WDR7: variants seen among roughly 807,000 people sequenced by gnomAD.
WDR7 encodes the protein WD repeat domain 7, also known as WD repeat-containing protein 7.
A neutral mutation model predicts 169.4 loss-of-function variants in WDR7; 46 were observed. The ratio of observed to expected loss-of-function variants is 0.27; its 90% CI spans 0.21 to 0.35. The LOEUF (loss-of-function observed/expected upper bound fraction) is 0.35. Ranked by LOEUF, WDR7 falls within the 10% of genes least tolerant of loss-of-function variation. WDR7 has a pLI of 1.00. For synonymous variants in WDR7, 612 were observed against 666.8 expected, an observed-to-expected ratio of 0.92 and a Z score of 1.27; for missense variants, 1,534 against 1,859.3, an observed-to-expected ratio of 0.83 and a Z score of 3.22.
chr18:57,017,634 G>A (rs1452367655), intron 26 of WDR7, among the ~76,000 whole-genome samples: 2 of 152,140 alleles, frequency 1.3e-5, no homozygotes, highest in Non-Finnish European at 2.9e-5. Flanking sequence ...ACAGTGATGA[G>A]TAAAATGAGT....
intron 13 of WDR7, among the ~76,000 whole-genome samples, chr18:56,724,209 A>T (rs372573513): frequency 2.8e-4 from 27 of 98,010 alleles, no homozygotes; most frequent in Non-Finnish European, 3.1e-4. Context: ...ATGCCTGGTA[A>T]TTTTTTTTTT....
chr18:56,939,814 A>G (rs573316116), intron 25 of WDR7, among the ~76,000 whole-genome samples: 3 of 152,168 alleles, frequency 2.0e-5, no homozygotes, highest in Admixed American at 6.5e-5. Flanking sequence ...CAGTCTTTGC[A>G]TTACGTTCTC....
At chr18:56,959,681 G>C (rs937385014) in intron 25 of WDR7, among the ~76,000 whole-genome samples, 1 of 152,082 alleles carries the variant, frequency 6.6e-6, no homozygotes, top group Non-Finnish European at 1.5e-5. Context: ...TTTTCATCCC[G>C]TAGGAAAAAT....
chr18:56,763,706 A>C (rs1313297600), intron 16 of WDR7, among the ~76,000 whole-genome samples: 4 of 152,156 alleles, frequency 2.6e-5, no homozygotes, highest in African/African-American at 9.7e-5. Flanking sequence ...TCACTAGTGA[A>C]AGCCCAGGGG....
chr18:56,718,544 A>T (rs902741199), intron 13 of WDR7, among the ~76,000 whole-genome samples: 1 of 152,210 alleles, frequency 6.6e-6, no homozygotes, highest in African/African-American at 2.4e-5. Flanking sequence ...CTGGGCAGTT[A>T]CTTGTATGAG....
intron 26 of WDR7, among the ~76,000 whole-genome samples, chr18:57,009,366 T>C (rs1247096433): frequency 6.6e-6 from 1 of 152,226 alleles, no homozygotes; most frequent in Admixed American, 6.5e-5. Context: ...GAAGTCACCA[T>C]CATCAAGGGA....
At chr18:56,910,760 T>C (rs2046541409) in intron 21 of WDR7, among the ~76,000 whole-genome samples, 1 of 152,214 alleles carries the variant, frequency 6.6e-6, no homozygotes, top group South Asian at 2.1e-4. Context: ...CTAAGATTTT[T>C]AATTGTCTGT....
chr18:56,734,367 T>C (rs1219257287), intron 14 of WDR7, among the ~76,000 whole-genome samples: 6 of 152,054 alleles, frequency 3.9e-5, no homozygotes, highest in African/African-American at 1.4e-4. Context: ...CTGGAGTCTA[T>C]ATAGTAGGAT....
chr18:56,828,220 C>T (rs1416152682), intron 20 of WDR7, among the ~76,000 whole-genome samples: 12 of 152,152 alleles, frequency 7.9e-5, no homozygotes, highest in Non-Finnish European at 1.2e-4. Flanking sequence ...AAAGTTGGCT[C>T]GTGAAATATT....
intron 14 of WDR7, among the ~76,000 whole-genome samples, chr18:56,750,006 GGT>G (rs147526440): frequency 0.013 from 2,008 of 149,190 alleles, 20 homozygotes; most frequent in East Asian, 0.033. Flanking sequence ...ACTGTGTATG[GGT>G]GTGTGTGTGT....
chr18:56,707,609 T>C (rs1164754180), intron 12 of WDR7, among the ~76,000 whole-genome samples: 2 of 152,136 alleles, frequency 1.3e-5, no homozygotes, highest in African/African-American at 4.8e-5. Flanking sequence ...GGTCATGTTT[T>C]TCTGGACATT....
chr18:57,009,188 C>A (rs2048105526), intron 26 of WDR7, among the ~76,000 whole-genome samples: 1 of 152,080 alleles, frequency 6.6e-6, no homozygotes. Context: ...GATGTTATAT[C>A]AAAAGTAGAA....
intron 22 of WDR7, among the ~76,000 whole-genome samples, chr18:56,933,563 A>G (rs1482828286): frequency 6.6e-6 from 1 of 152,230 alleles, no homozygotes; most frequent in African/African-American, 2.4e-5. Context: ...TAAGTATTAT[A>G]ACATATCACT....
chr18:56,873,337 A>ATAC (rs1397090395), intron 20 of WDR7, among the ~76,000 whole-genome samples: 2 of 152,324 alleles, frequency 1.3e-5, no homozygotes, highest in Non-Finnish European at 1.5e-5. Context: ...AGCAGAGGGT[A>ATAC]CCTGTTACAA....
At chr18:57,004,955 A>G (rs1298335450) in intron 26 of WDR7, among the ~76,000 whole-genome samples, 1 of 152,162 alleles carries the variant, frequency 6.6e-6, no homozygotes, top group Non-Finnish European at 1.5e-5. Context: ...TCACACCTTG[A>G]GTTGAAGGCC....
Position 57,027,154 on chromosome 18 carries a change from C to A in WDR7, c.4420C>A (p.Arg1474Ser). 1.2e-6 allele frequency: 2 copies of A among 1,614,174 alleles called. No homozygotes were observed. Among genetic ancestry groups the A allele is most frequent in the African/African-American group, 1.3e-5 (1 of 75,068 alleles). The change falls in exon 28 of 28, where the codon CGC becomes AGC. Residue 1474 changes from arginine (R) to serine (S), a missense_variant. Physicochemically the swap from Arg to Ser is moderately radical, Grantham distance 110. Coordinates refer to ENST00000254442, the MANE Select transcript of WDR7 (RefSeq NM_015285.3). ...GGCCCGGCTCATCTGGACTTCCAAC[C>A]GCAACGTCATCCTCATGGCCCATGA... ...KLARLIWTSN[R>S]NVILMAHDGK... is the part of the protein sequence containing the mutation.
chr18:56,903,488 C>G (rs1010365657), intron 21 of WDR7, among the ~76,000 whole-genome samples: 1 of 152,050 alleles, frequency 6.6e-6, no homozygotes, highest in Non-Finnish European at 1.5e-5. Context: ...GACGTGATCT[C>G]GACTCACTGC....
At chr18:56,998,832 T>C (rs552261702) in intron 26 of WDR7, among the ~76,000 whole-genome samples, 1 of 152,356 alleles carries the variant, frequency 6.6e-6, no homozygotes, top group African/African-American at 2.4e-5. Context: ...ATTATTCTAC[T>C]TATAAAATGA....
At position 56,682,995 on chromosome 18, in the gene WDR7, T is replaced by C. The variant is rs181094637; in HGVS notation, c.520+142T>C. ...ATAACTACACCAATAATTTATGGTC[T>C]GTTTCTTCCTTCATAAAGAAATCTT... is the stretch of plus-strand genomic sequence containing the variant. On this transcript the variant is annotated intron_variant, in intron 5 of 27. Coordinates refer to ENST00000254442, the MANE Select transcript of WDR7 (RefSeq NM_015285.3). 3.3e-6 allele frequency: 3 copies of C among 908,042 alleles called. No individual in the cohort carries two copies. In the East Asian group the frequency reaches 8.0e-5, roughly 24 times the overall value. The allele number at this position is 908,042 out of a possible 1,614,324, so 56.2% of individuals were successfully genotyped here. A position where few individuals can be genotyped will look rare whatever the true frequency, so the allele number is the denominator to read the frequency against.
Sources: allele counts gnomAD v4.1 joint callset (sites outside exome capture counted in the v4.1 genomes callset), GRCh38; gene constraint gnomAD v4.1.1; transcripts MANE v1.5; gene names NCBI Gene and HGNC (gene_info 2026-07-23, HGNC 2026-07-21).